The following MDN1 variants were observed in gnomAD, a reference collection of about 807,000 sequenced individuals.
MDN1 encodes the protein midasin AAA ATPase 1.
MDN1 carries 266 observed loss-of-function variants against 669.2 expected under a neutral mutation model. The ratio of observed to expected loss-of-function variants is 0.40; its 90% CI spans 0.36 to 0.44. The LOEUF (loss-of-function observed/expected upper bound fraction) is 0.44, where lower values mean the gene tolerates loss of function less well. Ranked by LOEUF, MDN1 falls within the 20% of genes least tolerant of loss-of-function variation. MDN1 has a pLI of 1.00. For synonymous variants in MDN1, 2,385 were observed against 2,457.1 expected (o/e 0.97, Z 0.87); for missense variants, 5,940 against 6,754.0 (o/e 0.88, Z 4.22).
At chr6:89,746,009 A>G (rs1210716207) in intron 27 of MDN1, among the ~76,000 whole-genome samples, 1 of 152,256 alleles carries the variant, frequency 6.6e-6, no homozygotes, top group Non-Finnish European at 1.5e-5. Flanking sequence ...AAGTCCTGAT[A>G]CACATAATGG....
At chr6:89,680,018 C>G (rs1811488143) in intron 74 of MDN1, among the ~76,000 whole-genome samples, 2 of 152,242 alleles carry the variant, frequency 1.3e-5, no homozygotes, top group Admixed American at 1.3e-4. Context: ...TCACTGACAG[C>G]ACACTCACTG....
intron 1 of MDN1, among the ~76,000 whole-genome samples, chr6:89,816,908 T>C (rs1768879130): frequency 6.6e-6 from 1 of 151,982 alleles, no homozygotes; most frequent in East Asian, 1.9e-4. Context: ...TCTCCTGAGC[T>C]TGTGATCCAC....
chr6:89,704,274 A>G (rs1328189162), intron 53 of MDN1, among the ~76,000 whole-genome samples: 2 of 151,974 alleles, frequency 1.3e-5, no homozygotes, highest in Admixed American at 6.6e-5. Flanking sequence ...CTGGCTACTC[A>G]GGAGGCTGAG....
At chr6:89,777,910 T>G (rs1047952988) in intron 11 of MDN1, among the ~76,000 whole-genome samples, 4 of 152,280 alleles carry the variant, frequency 2.6e-5, no homozygotes, top group Admixed American at 2.6e-4. Context: ...GAGATTGATT[T>G]GAGTAACAAT....
chr6:89,785,265 G>T (rs1584368142), intron 8 of MDN1, 139 bp from the exon 9 acceptor site: 2 of 629,222 alleles, frequency 3.2e-6, no homozygotes, highest in South Asian at 3.9e-5. Context: ...ATACTACACT[G>T]TTGGGCTTAC....
At chr6:89,658,433 C>G in intron 89 of MDN1, 63 bp from the exon 90 acceptor site, 1 of 1,600,468 alleles carries the variant, frequency 6.2e-7, no homozygotes, top group Non-Finnish European at 8.5e-7. Context: ...GGTGGGAGAC[C>G]TTGCAACAAG....
At chr6:89,763,885 T>C (rs1346711727) in intron 15 of MDN1, among the ~76,000 whole-genome samples, 1 of 152,106 alleles carries the variant, frequency 6.6e-6, no homozygotes, top group Non-Finnish European at 1.5e-5. Context: ...ACTAATACAT[T>C]AGTATAGGCA....
rs1364225533 is a variant in MDN1, at chr6:89,650,211, A to G, written c.16032-13T>C. 6.3e-7 allele frequency: 1 copy of G among 1,599,784 alleles called. No individual in the cohort carries two copies. The highest frequency in any genetic ancestry group is 2.2e-5 in the East Asian group (1 of 44,710). ...TCGATAGTCTCCTCTATTTATTCAAATGGGGGCAAAAATTAGTTAACAACT... is the reference window on the plus strand; with the variant it reads ...TCGATAGTCTCCTCTATTTATTCAAGTGGGGGCAAAAATTAGTTAACAACT... On this transcript the variant is annotated splice_polypyrimidine_tract_variant and intron_variant, in intron 96 of 101. Coordinates refer to ENST00000369393, the MANE Select transcript of MDN1 (RefSeq NM_014611.3).
chr6:89,814,763 C>T, intron 1 of MDN1: 1 of 401,522 alleles, frequency 2.5e-6, no homozygotes. Context: ...CAAGGAGCGG[C>T]AGCCTATGGT....
At chr6:89,659,151 A>G (rs984672357) in intron 88 of MDN1, among the ~76,000 whole-genome samples, 4 of 152,230 alleles carry the variant, frequency 2.6e-5, no homozygotes, top group Non-Finnish European at 5.9e-5. Context: ...CTGAGACAGA[A>G]GGATCACTTG....
intron 90 of MDN1, among the ~76,000 whole-genome samples, 163 bp downstream of exon 90, chr6:89,658,046 C>T (rs1374079558): frequency 1.3e-5 from 2 of 152,196 alleles, no homozygotes; most frequent in South Asian, 4.1e-4. Context: ...TTCAGTCACG[C>T]GTTGCTTAAA....
At chr6:89,675,634 G>A in intron 77 of MDN1, 55 bp from the exon 78 acceptor site, 1 of 1,458,172 alleles carries the variant, frequency 6.9e-7, no homozygotes, top group Non-Finnish European at 9.6e-7. Context: ...ATCACCCACA[G>A]ATGTGCCTCT....
At position 89,658,241 on chromosome 6, in the gene MDN1, C is replaced by G. The variant is rs752663940; in HGVS notation, c.15151G>C (p.Gly5051Arg). The G allele has an allele frequency of 4.3e-6, 7 of 1,614,222 alleles. No homozygotes were observed. The South Asian group carries it at 7.7e-5, about 18-fold the overall frequency. ...MQNTQAMELAGAAPEKEQGKE... is the reference protein window; with the variant it reads ...MQNTQAMELARAAPEKEQGKE... ...CCCTGCTCCTTCTCAGGTGCGGCCC[C>G]AGCCAGCTCCATGGCCTGTGTGTTC... The change falls in exon 90 of 102, where the codon GGG becomes CGG. Residue 5051 changes from glycine (G) to arginine (R), a missense_variant. Coordinates refer to ENST00000369393, the MANE Select transcript of MDN1 (RefSeq NM_014611.3).
intron 1 of MDN1, among the ~76,000 whole-genome samples, chr6:89,808,462 T>C (rs1391499416): frequency 6.6e-6 from 1 of 152,126 alleles, no homozygotes; most frequent in Non-Finnish European, 1.5e-5. Flanking sequence ...AGTATTCAAC[T>C]TGGTCGTTCC....
intron 75 of MDN1, 87 bp downstream of exon 75, chr6:89,678,512 A>C: frequency 6.7e-7 from 1 of 1,483,654 alleles, no homozygotes; most frequent in African/African-American, 1.4e-5. Flanking sequence ...TCAACTGTCT[A>C]TGGAATTTCC....
At chr6:89,727,444 C>T (rs1815309475) in intron 37 of MDN1, among the ~76,000 whole-genome samples, 1 of 152,128 alleles carries the variant, frequency 6.6e-6, no homozygotes. Flanking sequence ...TTCCTCATTT[C>T]AGTAGGTCAT....
At chr6:89,705,850 C>T (rs898478920) in intron 53 of MDN1, among the ~76,000 whole-genome samples, 1 of 152,064 alleles carries the variant, frequency 6.6e-6, no homozygotes. Context: ...GACTTATACA[C>T]TTTAAATATA....
intron 68 of MDN1, 95 bp from the exon 69 acceptor site, chr6:89,687,118 T>C: frequency 6.5e-7 from 1 of 1,540,322 alleles, no homozygotes; most frequent in Non-Finnish European, 8.8e-7. Flanking sequence ...ATTTCTCTCC[T>C]CCCAAATGGA....
chr6:89,712,438 ATG>A, intron 48 of MDN1, 135 bp downstream of exon 48: 1 of 1,021,068 alleles, frequency 9.8e-7, no homozygotes, highest in Non-Finnish European at 1.5e-6. Context: ...CAATATCACA[ATG>A]AACAATAAAA....
Sources: allele counts gnomAD v4.1 joint callset (sites outside exome capture counted in the v4.1 genomes callset), GRCh38; gene constraint gnomAD v4.1.1; transcripts MANE v1.5; gene names NCBI Gene and HGNC (gene_info 2026-07-23, HGNC 2026-07-21).